The following LYST variants were observed in gnomAD, a reference collection of about 807,000 sequenced individuals.
The protein encoded by LYST is lysosomal-trafficking regulator.
A neutral mutation model predicts 413.6 loss-of-function variants in LYST; 192 were observed. The observed-to-expected ratio is 0.46, with a 90% CI of 0.41 to 0.52. The LOEUF is 0.52. Among genes scored for constraint, LYST ranks in the 20% least tolerant of loss-of-function variants. The probability of loss-of-function intolerance (pLI) is 0.00; values close to 1 mark genes in which losing one functional copy is unlikely to be tolerated. For missense variants in LYST, 3,815 were observed against 4,499.9 expected (o/e 0.85, Z 4.35); for synonymous variants, 1,525 against 1,567.3 (o/e 0.97, Z 0.64).
At chr1:235,793,217 A>C (rs1013063363) in intron 11 of LYST, among the ~76,000 whole-genome samples, 2 of 152,228 alleles carry the variant, frequency 1.3e-5, no homozygotes, top group African/African-American at 4.8e-5. Context: ...TCTCTTTAGT[A>C]ATTAAAATTA....
At chr1:235,717,139 A>C (rs762087939) in intron 40 of LYST, among the ~76,000 whole-genome samples, 25 of 152,110 alleles carry the variant, frequency 1.6e-4, no homozygotes, top group Non-Finnish European at 3.2e-4. Context: ...TTAGTGTCCC[A>C]TTTTCCAGAC....
At chr1:235,861,553 T>A (rs937932424) in intron 1 of LYST, among the ~76,000 whole-genome samples, 7 of 152,238 alleles carry the variant, frequency 4.6e-5, no homozygotes, top group Non-Finnish European at 8.8e-5. Context: ...TATACATTTT[T>A]AAGATATATT....
At chr1:235,869,136 A>T (rs1017100390), upstream of LYST, among the ~76,000 whole-genome samples, 1 of 152,222 alleles carries the variant, frequency 6.6e-6, no homozygotes, top group Admixed American at 6.5e-5. Context: ...GTAGTGAAGA[A>T]CATGAAAAAG....
chr1:235,863,864 T>C (rs1337163390), intron 1 of LYST, among the ~76,000 whole-genome samples: 1 of 152,232 alleles, frequency 6.6e-6, no homozygotes, highest in African/African-American at 2.4e-5. Context: ...CTCAGGCTTT[T>C]GAATTTTCTG....
At position 235,854,418 on chromosome 1, in the gene LYST, C is replaced by T. The variant is rs1275318023; in HGVS notation, c.-98+12425G>A. On this transcript the variant is annotated intron_variant, in intron 1 of 52. Coordinates refer to ENST00000389793, the MANE Select transcript of LYST (RefSeq NM_000081.4). The surrounding 1 kb of genome is among the most constrained non-coding windows in gnomAD (Gnocchi z 4.1). ...GACATTGACTTCTCTCTCCAATAAG[C>T]CAGCTCTTCCTTCTTCATTCCTCTT... Among the ~76,000 whole-genome samples the T allele has an allele frequency of 6.6e-6, 1 of 152,132 alleles. No homozygotes were observed. Among genetic ancestry groups the T allele is most frequent in the Non-Finnish European group, 1.5e-5 (1 of 68,008 alleles).
chr1:235,689,233 T>C (rs1169342075), intron 47 of LYST, among the ~76,000 whole-genome samples: 1 of 152,142 alleles, frequency 6.6e-6, no homozygotes, highest in African/African-American at 2.4e-5. Context: ...TAGTGTTCTT[T>C]CATCTTTATT....
intron 48 of LYST, among the ~76,000 whole-genome samples, chr1:235,680,786 A>G (rs921640908): frequency 6.6e-6 from 1 of 151,820 alleles, no homozygotes; most frequent in Non-Finnish European, 1.5e-5. Context: ...TTTAGTAGAG[A>G]AGAGGTTTCC....
chr1:235,710,918 C>CT (rs1377255645), intron 43 of LYST, among the ~76,000 whole-genome samples: 1 of 152,150 alleles, frequency 6.6e-6, no homozygotes, highest in Non-Finnish European at 1.5e-5. Context: ...TGAAAAAACA[C>CT]TGACATTGCA....
chr1:235,759,285 C>T lies in LYST; in HGVS notation c.6568G>A (p.Val2190Ile), dbSNP rs1667345720. 4 of 1,614,166 alleles carry T rather than the reference C, an allele frequency of 2.5e-6. No individual in the cohort carries two copies. The highest frequency in any genetic ancestry group is 2.5e-6 in the Non-Finnish European group (3 of 1,180,004). Reference sequence around the variant, plus strand: ...GGAAATCCCAGCACTCCCTTTGGGACATCACTGACAGAGACCTGGGCTGAG... The same window carrying T: ...GGAAATCCCAGCACTCCCTTTGGGATATCACTGACAGAGACCTGGGCTGAG... ...VLSAQVSVSD[V>I]PKGVLGFPVV... The change falls in exon 23 of 53, where the codon GTC becomes ATC. Residue 2190 changes from valine (V) to isoleucine (I), a missense_variant. Around this residue, in one of 4 missense-constraint regions of LYST, gnomAD observed 771 missense variants for 837.1 expected, o/e 0.92. Coordinates refer to ENST00000389793, the MANE Select transcript of LYST (RefSeq NM_000081.4).
intron 10 of LYST, 123 bp from the exon 11 acceptor site, chr1:235,793,735 A>G: frequency 3.7e-6 from 2 of 534,818 alleles, no homozygotes; most frequent in South Asian, 6.0e-5. Flanking sequence ...AAAATCTAGT[A>G]TAGGAATCAC....
chr1:235,872,514 T>C (rs1197629581), intron 1 of LYST, among the ~76,000 whole-genome samples: 27 of 152,146 alleles, frequency 1.8e-4, no homozygotes, highest in Non-Finnish European at 4.4e-5. Flanking sequence ...TTGGCATCTG[T>C]GTGCAGCATT....
At chr1:235,707,132 G>T (rs1176925896) in intron 44 of LYST, among the ~76,000 whole-genome samples, 2 of 152,018 alleles carry the variant, frequency 1.3e-5, no homozygotes, top group Non-Finnish European at 2.9e-5. Flanking sequence ...TCCTTTCAGC[G>T]GCCTCATTTG....
rs769942827 is a variant in LYST, at chr1:235,810,355, C to G, written c.463G>C (p.Val155Leu). 1.9e-6 allele frequency: 3 copies of G among 1,614,092 alleles called. No individual in the cohort carries two copies. Among genetic ancestry groups the G allele is most frequent in the Non-Finnish European group, 2.5e-6 (3 of 1,179,956 alleles). ...AGCTGTGTCTTTCTTGCATCTCTTA[C>G]AGAATAGCGATGGGTAATTTTACGC... ...RQRKITHRYS[V>L]RDARKTQLST... Residue 155 changes from valine to leucine, a missense_variant, in exon 5 of 53, where the codon GTA becomes CTA. Val to Leu is a conservative substitution (Grantham distance 32). Transcript: ENST00000389793.
At chr1:235,666,030 A>G (rs545381148) in intron 50 of LYST, among the ~76,000 whole-genome samples, 1 of 152,214 alleles carries the variant, frequency 6.6e-6, no homozygotes, top group South Asian at 2.1e-4. Context: ...TCTTTTATTA[A>G]GACAATGAAA....
intron 42 of LYST, chr1:235,712,514 C>G (rs1662477438): frequency 1.2e-6 from 1 of 809,130 alleles, no homozygotes; most frequent in Non-Finnish European, 1.5e-6. Context: ...GGGATATCAC[C>G]CACACCTTGC....
In LYST at chr1:235,804,755, A is replaced by G. The variant is rs10465636; in HGVS notation, c.3394-90T>C. 9,245 of 794,194 alleles carry G rather than the reference A, an allele frequency of 0.012. 589 individuals carry two copies. The African/African-American group carries it at 0.14, about 12-fold the overall frequency. The allele number at this position is 794,194 out of a possible 1,614,324, so 49.2% of individuals were successfully genotyped here. On this transcript the variant is annotated intron_variant, in intron 6 of 52. Coordinates refer to ENST00000389793, the MANE Select transcript of LYST (RefSeq NM_000081.4). The stretch of plus-strand genomic sequence containing the variant: ...ATAAATAATAAATATTTACTTAAGT[A>G]TAAAGCTAATCCATTTATTTGCAGT...
At chr1:235,875,688 TA>T (rs1681103916) in intron 1 of LYST, among the ~76,000 whole-genome samples, 1 of 151,772 alleles carries the variant, frequency 6.6e-6, no homozygotes, top group South Asian at 2.1e-4. Context: ...TCTACAAAAG[TA>T]AAAAATTAGC....
chr1:235,677,504 G>A lies in LYST; in HGVS notation c.10916C>T (p.Thr3639Ile), dbSNP rs777772931. The A allele has an allele frequency of 6.8e-6, 11 of 1,613,700 alleles. No individual in the cohort carries two copies. In the South Asian group the frequency reaches 8.8e-5, roughly 13 times the overall value. Reference protein sequence around the residue: ...SILISVSRDGTCIIWDLNRLC... With the variant: ...SILISVSRDGICIIWDLNRLC... ...CCTGTTTAAATCCCATATGATGCAG[G>A]TTCCGTCTCTGCTCACACTTATCAG... Residue 3639 changes from threonine (T) to isoleucine (I), a missense_variant, in exon 49 of 53, where the codon ACC (threonine) becomes ATC (isoleucine). Around this residue, in one of 4 missense-constraint regions of LYST, gnomAD observed 866 missense variants for 1,156.0 expected, o/e 0.75. Transcript: ENST00000389793.
At chr1:235,766,346 G>T (rs942437851) in intron 20 of LYST, 69 bp from the exon 21 acceptor site, 24 of 1,142,280 alleles carry the variant, frequency 2.1e-5, no homozygotes, top group Non-Finnish European at 3.1e-5. Flanking sequence ...TTTCATTTAG[G>T]CAAAATATTC....
Sources: gnomAD v4.1 joint callset for allele counts (sites outside exome capture counted in the v4.1 genomes callset) on GRCh38, gnomAD v4.1.1 for gene constraint, gnomAD v4.1.1 regional missense constraint, Gnocchi (gnomAD v3.1) non-coding constraint, MANE v1.5 for transcripts, NCBI Gene and HGNC (gene_info 2026-07-23, HGNC 2026-07-21) for gene names.